The following DMD variants were observed in gnomAD, a reference collection of about 807,000 sequenced individuals.
DMD encodes mutant dystrophin.
DMD carries 63 observed loss-of-function variants against 330.1 expected under a neutral mutation model. The ratio of observed to expected loss-of-function variants is 0.19; its 90% CI spans 0.16 to 0.24. The LOEUF is 0.24. Ranked by LOEUF, DMD falls within the 10% of genes least tolerant of loss-of-function variation. DMD has a pLI of 1.00. For synonymous variants in DMD, 1,223 were observed against 959.8 expected (o/e 1.27, Z -5.07); for missense variants, 3,344 against 2,684.1 (o/e 1.25, Z -5.43).
chrX:33,016,594 T>C (rs191873812), intron 2 of DMD, among the ~76,000 whole-genome samples: 1 of 111,698 alleles, frequency 9.0e-6, no homozygotes, highest in East Asian at 2.8e-4. Flanking sequence ...AAACTAATTA[T>C]GCATTTCTAC....
At chrX:32,324,840 C>G (rs1355398008) in intron 41 of DMD, among the ~76,000 whole-genome samples, 1 of 111,573 alleles carries the variant, frequency 9.0e-6, no homozygotes, top group Non-Finnish European at 1.9e-5. Flanking sequence ...AGCATATTCT[C>G]CTATTTACTT....
At chrX:31,139,474 TACACACACACACAC>T (rs57784155) in intron 76 of DMD, among the ~76,000 whole-genome samples, 5 of 98,599 alleles carry the variant, frequency 5.1e-5, no homozygotes, top group Admixed American at 3.4e-4. Context: ...GGTGTTTATA[TACACACACACACAC>T]ACACACACAC....
At chrX:31,355,752 C>G (rs982630626) in intron 60 of DMD, among the ~76,000 whole-genome samples, 2 of 110,459 alleles carry the variant, frequency 1.8e-5, no homozygotes, top group East Asian at 5.7e-4. Flanking sequence ...ATCCGGGAAA[C>G]GCTCCTGAGA....
At chrX:33,324,335 A>C (rs2054059234) in intron 1 of DMD, among the ~76,000 whole-genome samples, 1 of 111,164 alleles carries the variant, frequency 9.0e-6, no homozygotes, top group Non-Finnish European at 1.9e-5. Flanking sequence ...CTCACCTGAG[A>C]AGCAAGAAAG....
intron 29 of DMD, among the ~76,000 whole-genome samples, chrX:32,422,743 ATGT>A (rs758199742): frequency 1.1e-4 from 12 of 111,663 alleles, no homozygotes; most frequent in Non-Finnish European, 1.5e-4. Context: ...CTGCAAAGAA[ATGT>A]TGTTTAACAT....
At chrX:32,850,519 G>C (rs951181693) in intron 2 of DMD, among the ~76,000 whole-genome samples, 3 of 111,739 alleles carry the variant, frequency 2.7e-5, no homozygotes, top group Non-Finnish European at 5.6e-5. Flanking sequence ...TGGCATTTCT[G>C]AGATTAGCAG....
chrX:32,316,984 C>T (rs1290317294), intron 41 of DMD, among the ~76,000 whole-genome samples: 4 of 110,873 alleles, frequency 3.6e-5, no homozygotes, highest in African/African-American at 9.8e-5. Flanking sequence ...ATGCAAAATC[C>T]AGGTACTCAT....
chrX:31,522,824 G>T (rs947862074), intron 55 of DMD, among the ~76,000 whole-genome samples: 3 of 111,610 alleles, frequency 2.7e-5, no homozygotes, highest in African/African-American at 9.8e-5. Flanking sequence ...CCTTTGTCGG[G>T]GGGTACGTGT....
intron 1 of DMD, among the ~76,000 whole-genome samples, chrX:33,161,862 T>A (rs1223600527): frequency 8.9e-6 from 1 of 112,505 alleles, no homozygotes; most frequent in African/African-American, 3.2e-5. Flanking sequence ...TACTAAGTTA[T>A]TTTGCATTCA....
Position 31,694,697 on chromosome X carries a change from T to C in DMD, c.7661-15111A>G, listed in dbSNP as rs761745706. Among the ~76,000 whole-genome samples, 142 of 95,881 alleles carry C rather than the reference T, an allele frequency of 1.5e-3. 1 individual carries two copies. Among genetic ancestry groups the C allele is most frequent in the African/African-American group, 4.8e-3 (124 of 25,683 alleles). The allele number at this position is 95,881 out of a possible 115,157, so 83.3% of individuals were successfully genotyped here. On this transcript the variant is annotated intron_variant, in intron 52 of 78. Coordinates refer to ENST00000357033, the MANE Select transcript of DMD (RefSeq NM_004006.3). ...CTCAACATCTCTAATCATCAAAAAA[T>C]GCAAATTAAAATCACAATGAGATAT...
rs1347557763 is a variant in DMD, at chrX:32,778,544, A to T, written c.649+30949T>A. ...GTTTTATCTTACAGCTGAGTAGGTTAGACATCTGACATGAGTCTTATTAGA... is the reference window on the plus strand; with the variant it reads ...GTTTTATCTTACAGCTGAGTAGGTTTGACATCTGACATGAGTCTTATTAGA... On this transcript the variant is annotated intron_variant, in intron 7 of 78. Transcript: ENST00000357033. 4.5e-5 allele frequency among the ~76,000 whole-genome samples: 5 copies of T among 112,215 alleles called. No homozygotes were observed. The East Asian group carries it at 1.4e-3, about 31-fold the overall frequency.
chrX:31,462,016 C>T (rs1204610239), intron 59 of DMD, among the ~76,000 whole-genome samples: 1 of 111,794 alleles, frequency 8.9e-6, no homozygotes, highest in Non-Finnish European at 1.9e-5. Flanking sequence ...GTGTGCATCT[C>T]CTCCCAATTC....
chrX:32,955,325 C>T (rs748726659), intron 2 of DMD, among the ~76,000 whole-genome samples: 5 of 110,710 alleles, frequency 4.5e-5, no homozygotes, highest in East Asian at 5.7e-4. Context: ...GCTTGTTGGC[C>T]GCATGTATGT....
chrX:32,174,181 C>G (rs2096898117), intron 44 of DMD, among the ~76,000 whole-genome samples: 1 of 112,145 alleles, frequency 8.9e-6, no homozygotes. Flanking sequence ...ACTTCAACCT[C>G]TGAAAATGAG....
rs191187268 is a variant in DMD, at chrX:31,828,870, T to C, written c.7200+7848A>G. ...AGAGGGAATCCTCCCTAAATCATTCTATGAAGTCAGTATCACCCTAATACC... is the reference window on the plus strand; with the variant it reads ...AGAGGGAATCCTCCCTAAATCATTCCATGAAGTCAGTATCACCCTAATACC... On this transcript the variant is annotated intron_variant, in intron 49 of 78. Transcript: ENST00000357033. Among the ~76,000 whole-genome samples the C allele has an allele frequency of 5.5e-4, 61 of 111,028 alleles. 1 individual carries two copies. Among genetic ancestry groups the C allele is most frequent in the Admixed American group, 2.6e-3 (27 of 10,397 alleles).
intron 54 of DMD, among the ~76,000 whole-genome samples, chrX:31,653,148 A>G (rs2080559306): frequency 9.0e-6 from 1 of 111,320 alleles, no homozygotes. Context: ...GAAGATGAGA[A>G]AGGACCTAGG....
chrX:32,320,257 G>A (rs980153550), intron 41 of DMD, among the ~76,000 whole-genome samples: 1 of 110,996 alleles, frequency 9.0e-6, no homozygotes, highest in African/African-American at 3.3e-5. Context: ...CGGCAACTCA[G>A]TATCTATGTC....
intron 60 of DMD, among the ~76,000 whole-genome samples, chrX:31,377,638 G>C: frequency 9.0e-6 from 1 of 111,592 alleles, no homozygotes. Context: ...GTGGGCTTTG[G>C]GCAAATTACT....
chrX:32,151,008 A>G (rs774966131), intron 44 of DMD, among the ~76,000 whole-genome samples: 1 of 111,395 alleles, frequency 9.0e-6, no homozygotes, highest in Non-Finnish European at 1.9e-5. Context: ...TAGGGAGAAT[A>G]TGATATATTT....
Sources: gnomAD v4.1 joint callset for allele counts (sites outside exome capture counted in the v4.1 genomes callset) on GRCh38, gnomAD v4.1.1 for gene constraint, MANE v1.5 for transcripts, NCBI Gene and HGNC (gene_info 2026-07-23, HGNC 2026-07-21) for gene names.